CCDC57: variants seen among roughly 807,000 people sequenced by gnomAD.
CCDC57 encodes the protein coiled-coil domain containing 57.
A neutral mutation model predicts 118.9 loss-of-function variants in CCDC57; 118 were observed. The observed-to-expected ratio is 0.99, with a 90% confidence interval of 0.86 to 1.16. The LOEUF (loss-of-function observed/expected upper bound fraction) is 1.16. CCDC57 is among the 50% of genes most tolerant of loss of function. CCDC57 has a pLI of 0.00. For synonymous variants in CCDC57, 527 were observed against 532.9 expected, an observed-to-expected ratio of 0.99 and a Z score of 0.15; for missense variants, 1,300 against 1,320.7, an observed-to-expected ratio of 0.98 and a Z score of 0.24.
At chr17:82,175,543 G>T (rs1430535442) in intron 11 of CCDC57, 3 of 152,194 alleles carry the variant, frequency 2.0e-5, no homozygotes, top group African/African-American at 7.2e-5. Context: ...TCAAAAGAAT[G>T]CAACCATCTG....
At position 82,210,311 on chromosome 17, in the gene CCDC57, T is replaced by C. The variant is rs552151276; in HGVS notation, c.-210-2263A>G. Among the ~76,000 whole-genome samples, 6 of 152,046 alleles carry C rather than the reference T, an allele frequency of 3.9e-5. No individual in the cohort carries two copies. The South Asian group carries it at 8.3e-4, about 21-fold the overall frequency. On this transcript the variant is annotated intron_variant, in intron 1 of 19. Coordinates refer to ENST00000665763, the Ensembl canonical transcript of CCDC57. ...GGAAACAGAAAAATCATTTAACAAA[T>C]AGCACATTAACAGTTATTTTGGGGA... is the stretch of plus-strand genomic sequence containing the variant.
chr17:82,132,787 T>C (rs530758176), intron 17 of CCDC57, among the ~76,000 whole-genome samples: 2 of 129,730 alleles, frequency 1.5e-5, no homozygotes, highest in South Asian at 2.5e-4. Flanking sequence ...TGAGACGGAG[T>C]CTTGCTCTGT....
At chr17:82,173,629 C>T (rs2045064856) in intron 11 of CCDC57, among the ~76,000 whole-genome samples, 2 of 152,260 alleles carry the variant, frequency 1.3e-5, no homozygotes, top group Admixed American at 1.3e-4. Flanking sequence ...CTCAGTGAAC[C>T]CTAAGCAGGA....
chr17:82,198,949 T>C (rs143944512), intron 3 of CCDC57, among the ~76,000 whole-genome samples: 3,635 of 138,456 alleles, frequency 0.026, 151 homozygotes, highest in African/African-American at 0.092. Flanking sequence ...GCTGAGATCG[T>C]GCCACTGCAC....
At position 82,179,989 on chromosome 17, in the gene CCDC57, G is replaced by A. The variant is rs539043725; in HGVS notation, c.1212-800C>T. On this transcript the variant is annotated intron_variant, in intron 9 of 19. Coordinates refer to ENST00000665763, the Ensembl canonical transcript of CCDC57. ...TCCAGGCTGTGGGTGATCCTGTGAC[G>A]GGGGAGAGGTCCCTCCTGTCCCAGG... 3.9e-5 allele frequency among the ~76,000 whole-genome samples: 6 copies of A among 152,318 alleles called. No homozygotes were observed. In the South Asian group the frequency reaches 8.3e-4, roughly 21 times the overall value.
intron 17 of CCDC57, among the ~76,000 whole-genome samples, chr17:82,130,075 C>A (rs906183819): frequency 6.6e-6 from 1 of 151,818 alleles, no homozygotes; most frequent in African/African-American, 2.4e-5. Context: ...ATGGCACACA[C>A]CTGTGGTCTC....
chr17:82,200,533 C>A (rs2048870697), intron 3 of CCDC57, among the ~76,000 whole-genome samples: 1 of 152,120 alleles, frequency 6.6e-6, no homozygotes, highest in Admixed American at 6.6e-5. Context: ...TCTATAATCC[C>A]AGCACTTCAG....
chr17:82,158,225 C>T lies in CCDC57; in HGVS notation c.2041-277G>A, dbSNP rs139723970. ...AATCCGTGCATGGACTGAGGCAGAG[C>T]GCCTCGAAACCCCTTCCTGAGCCTC... is the stretch of plus-strand genomic sequence containing the variant. On this transcript the variant is annotated intron_variant, in intron 14 of 19. Transcript: ENST00000665763. 2.3e-3 allele frequency among the ~76,000 whole-genome samples: 344 copies of T among 152,310 alleles called. 3 individuals are homozygous for T. Among genetic ancestry groups the T allele is most frequent in the Middle Eastern group, 0.01 (3 of 294 alleles).
In CCDC57 at chr17:82,198,229, TC is replaced by T. The variant is rs905352914; in HGVS notation, c.516+84del. The T allele has an allele frequency of 5.8e-5, 45 of 772,378 alleles. No individual in the cohort carries two copies. In the African/African-American group the frequency reaches 7.6e-4, roughly 13 times the overall value. 47.8% of individuals were successfully genotyped at this position (772,378 alleles called of 1,614,324 possible). A position where few individuals can be genotyped will look rare whatever the true frequency, so the allele number is the denominator to read the frequency against. ...ATGCAGGCAATGAACCAAATGGTTG[TC>T]TTTTCCTCAGCCCTATATGATTTCA... On this transcript the variant is annotated intron_variant, in intron 4 of 19. Coordinates refer to ENST00000665763, the Ensembl canonical transcript of CCDC57.
chr17:82,138,775 T>C (rs1480733695), intron 16 of CCDC57, among the ~76,000 whole-genome samples: 1 of 151,014 alleles, frequency 6.6e-6, no homozygotes, highest in African/African-American at 2.5e-5. Flanking sequence ...TGTGCTGTGC[T>C]GCACGGAGAC....
rs866369585 is a variant in CCDC57, at chr17:82,102,795, G to A, written c.2900-929C>T. Among the ~76,000 whole-genome samples, 69 of 152,102 alleles carry A rather than the reference G, an allele frequency of 4.5e-4. No individual in the cohort carries two copies. The Middle Eastern group carries it at 0.017, about 37-fold the overall frequency. On this transcript the variant is annotated intron_variant, in intron 19 of 19. Transcript: ENST00000665763. ...AGCTACTTAGGAGGCTGAGGCAGCGGAGTCGCTTGAACCCGGGAGGCAGAG... is the reference window on the plus strand; with the variant it reads ...AGCTACTTAGGAGGCTGAGGCAGCGAAGTCGCTTGAACCCGGGAGGCAGAG...
chr17:82,190,788 G>A lies in CCDC57; in HGVS notation c.852-2369C>T, dbSNP rs181202549. Among the ~76,000 whole-genome samples, 8 of 150,016 alleles carry A rather than the reference G, an allele frequency of 5.3e-5. No homozygotes were observed. The East Asian group carries it at 1.2e-3, about 22-fold the overall frequency. ...AGTTCAACAGCAAGGTGTTGACGTC[G>A]TCTGCTTGCTCCCAGACATAATGCC... On this transcript the variant is annotated intron_variant, in intron 7 of 19. Coordinates refer to ENST00000665763, the Ensembl canonical transcript of CCDC57.
In CCDC57 at chr17:82,172,291, G is replaced by A. The variant is rs2044847238; in HGVS notation, c.1729+347C>T. On this transcript the variant is annotated intron_variant, in intron 12 of 19. Coordinates refer to ENST00000665763, the Ensembl canonical transcript of CCDC57. The surrounding 1 kb of genome is among the most constrained non-coding windows in gnomAD (Gnocchi z 5.2). Reference sequence around the variant, plus strand: ...CTCTGCCACAGACGCTCCTCTGGAGGAAAGGACTGAGGTCCACCAGCCCCT... The same window carrying A: ...CTCTGCCACAGACGCTCCTCTGGAGAAAAGGACTGAGGTCCACCAGCCCCT... Among the ~76,000 whole-genome samples, 1 of 152,226 alleles carries A rather than the reference G, an allele frequency of 6.6e-6. No individual in the cohort carries two copies.
Position 82,157,786 on chromosome 17 carries a change from GC to G in CCDC57, c.2202del (p.Lys734AsnfsTer53). ...GCCACGGCGTCCGAGGCTGGGGGCTGCTTCCTGCCTGAAGGCTCCGCTCCCC... is the reference window on the plus strand; with the variant it reads ...GCCACGGCGTCCGAGGCTGGGGGCTGTTCCTGCCTGAAGGCTCCGCTCCCC... On this transcript the variant is annotated frameshift_variant, in exon 15 of 20. Transcript: ENST00000665763. LOFTEE classifies it high-confidence loss of function. 2 of 1,605,082 alleles carry G rather than the reference GC, an allele frequency of 1.2e-6. No individual in the cohort carries two copies. Among genetic ancestry groups the G allele is most frequent in the Non-Finnish European group, 8.5e-7 (1 of 1,177,518 alleles).
chr17:82,102,361 G>A (rs897692074), intron 19 of CCDC57, among the ~76,000 whole-genome samples: 2 of 152,248 alleles, frequency 1.3e-5, no homozygotes, highest in African/African-American at 4.8e-5. Flanking sequence ...AGGCCGTGCT[G>A]GTGGGCACCA....
At chr17:82,153,346 A>G (rs184611319) in intron 15 of CCDC57, 27 of 152,356 alleles carry the variant, frequency 1.8e-4, no homozygotes, top group Admixed American at 1.5e-3. Context: ...ACAATCCCGA[A>G]AACAGATTTT....
chr17:82,102,643 G>A (rs2034530706), intron 19 of CCDC57, among the ~76,000 whole-genome samples: 1 of 152,150 alleles, frequency 6.6e-6, no homozygotes, highest in South Asian at 2.1e-4. Context: ...AGCACTTTGG[G>A]AGGCCGAGGT....
intron 19 of CCDC57, among the ~76,000 whole-genome samples, chr17:82,109,684 C>T (rs545839616): frequency 2.6e-5 from 4 of 151,924 alleles, no homozygotes; most frequent in African/African-American, 7.2e-5. Flanking sequence ...GGTGAAACTC[C>T]GTCTCTACTA....
At chr17:82,109,055 T>A (rs980641214) in intron 19 of CCDC57, 2 of 152,188 alleles carry the variant, frequency 1.3e-5, no homozygotes, top group East Asian at 3.8e-4. Flanking sequence ...AACCTCCAAA[T>A]ACCTACAGGG....
Sources: gnomAD v4.1 joint callset for allele counts (sites outside exome capture counted in the v4.1 genomes callset) on GRCh38, gnomAD v4.1.1 for gene constraint, Gnocchi (gnomAD v3.1) non-coding constraint, MANE v1.5 for transcripts, NCBI Gene and HGNC (gene_info 2026-07-23, HGNC 2026-07-21) for gene names.